COL12A1: variants seen among roughly 807,000 people sequenced by gnomAD.
COL12A1 encodes collagen alpha-1(XII) chain.
Under a neutral mutation model 349.7 loss-of-function variants are expected in COL12A1, and 114 were observed. The observed-to-expected ratio is 0.33, with a 90% CI of 0.28 to 0.38. The LOEUF (loss-of-function observed/expected upper bound fraction) is 0.38, where lower values mean the gene tolerates loss of function less well. Ranked by LOEUF, COL12A1 falls within the 10% of genes least tolerant of loss-of-function variation. COL12A1 has a pLI of 1.00. For missense variants in COL12A1, 3,284 were observed against 3,756.9 expected (o/e 0.87, Z 3.29); for synonymous variants, 1,369 against 1,329.0 (o/e 1.03, Z -0.66).
chr6:75,197,170 A>G lies in COL12A1; in HGVS notation c.74-2223T>C, dbSNP rs548835590. Among the ~76,000 whole-genome samples the G allele has an allele frequency of 5.3e-5, 8 of 152,330 alleles. No individual in the cohort carries two copies. In the East Asian group the frequency reaches 1.5e-3, roughly 29 times the overall value. ...ATGTAAGTGTATGACCCGTGTCAAC[A>G]TAAATCAGTGCTGAAAAATGTACTT... On this transcript the variant is annotated intron_variant, in intron 2 of 65. Transcript: ENST00000322507.
intron 16 of COL12A1, among the ~76,000 whole-genome samples, chr6:75,155,398 T>C (rs1231341147): frequency 2.0e-5 from 3 of 152,168 alleles, no homozygotes; most frequent in Admixed American, 1.3e-4. Flanking sequence ...AAAACACCAA[T>C]TCTGATCCCT....
rs372499120 is a variant in COL12A1 at position 75,165,691 on chromosome 6, G to A, written c.2799C>T (p.Arg933=). The change falls in exon 14 of 66, where the codon CGC becomes CGT. Residue 933 remains arginine (R), a synonymous_variant. Transcript: ENST00000322507. Reference sequence around the variant, plus strand: ...GTGATTTCCATGAGACCCTGTAACCGCGAACCATTCCTGGAGCAGATGTCC... The same window carrying A: ...GTGATTTCCATGAGACCCTGTAACCACGAACCATTCCTGGAGCAGATGTCC... ...AYWTSAPGMV[R]GYRVSWKSLY... 59 of 1,613,934 alleles carry A rather than the reference G, an allele frequency of 3.7e-5. No individual in the cohort carries two copies. The highest frequency in any genetic ancestry group is 6.7e-5 in the Admixed American group (4 of 59,966).
At chr6:75,196,680 T>C (rs1770243171) in intron 2 of COL12A1, among the ~76,000 whole-genome samples, 1 of 152,176 alleles carries the variant, frequency 6.6e-6, no homozygotes, top group Non-Finnish European at 1.5e-5. Context: ...GGACAACGGG[T>C]ATTAAGAATA....
intron 34 of COL12A1, among the ~76,000 whole-genome samples, 173 bp from the exon 35 acceptor site, chr6:75,132,255 A>T (rs187164324): frequency 6.6e-6 from 1 of 152,302 alleles, no homozygotes; most frequent in Non-Finnish European, 1.5e-5. Flanking sequence ...AATTTAGTTA[A>T]AGTTAGCAAG....
intron 11 of COL12A1, 50 bp from the exon 12 acceptor site, chr6:75,177,985 T>C: frequency 1.3e-6 from 2 of 1,514,254 alleles, no homozygotes; most frequent in East Asian, 2.3e-5. Context: ...TGACTGACTT[T>C]ATATGAAAAA....
chr6:75,159,439 A>T (rs1171603453), intron 14 of COL12A1, among the ~76,000 whole-genome samples: 2 of 147,436 alleles, frequency 1.4e-5, no homozygotes, highest in Admixed American at 6.8e-5. Flanking sequence ...ATTATTATAT[A>T]AAAATATATA....
intron 2 of COL12A1, among the ~76,000 whole-genome samples, chr6:75,198,539 T>A (rs1038301080): frequency 6.6e-6 from 1 of 151,890 alleles, no homozygotes; most frequent in African/African-American, 2.4e-5. Flanking sequence ...GGTATTCAGG[T>A]ATCTCCAATT....
At chr6:75,197,574 A>G (rs1770298603) in intron 2 of COL12A1, among the ~76,000 whole-genome samples, 2 of 152,066 alleles carry the variant, frequency 1.3e-5, no homozygotes, top group South Asian at 4.1e-4. Context: ...AGCCTCCCAC[A>G]GTGCTGGGAT....
At chr6:75,185,892 G>T (rs1769587979) in intron 8 of COL12A1, among the ~76,000 whole-genome samples, 1 of 152,128 alleles carries the variant, frequency 6.6e-6, no homozygotes, top group Non-Finnish European at 1.5e-5. Context: ...AATAAATGGT[G>T]CTCAGATAAC....
intron 14 of COL12A1, among the ~76,000 whole-genome samples, chr6:75,160,968 G>GA (rs756649048): frequency 3.9e-5 from 6 of 152,116 alleles, no homozygotes; most frequent in Non-Finnish European, 8.8e-5. Context: ...AAAGATAAAT[G>GA]AAAACCAGTA....
At chr6:75,178,833 C>A (rs34024604) in intron 11 of COL12A1, among the ~76,000 whole-genome samples, 2,831 of 152,212 alleles carry the variant, frequency 0.019, 65 homozygotes, top group East Asian at 0.13. Context: ...GGAAGTATAT[C>A]TCTCTAGAAG....
chr6:75,156,692 T>A (rs1260849362), intron 14 of COL12A1, among the ~76,000 whole-genome samples, 169 bp from the exon 15 acceptor site: 1 of 152,224 alleles, frequency 6.6e-6, no homozygotes, highest in East Asian at 1.9e-4. Flanking sequence ...GAGCCTAATC[T>A]CATCAAGATC....
intron 27 of COL12A1, among the ~76,000 whole-genome samples, chr6:75,139,185 T>TA (rs1766771685): frequency 6.6e-6 from 1 of 152,232 alleles, no homozygotes; most frequent in Admixed American, 6.5e-5. Context: ...ATTATTTTTT[T>TA]AAGATACCAT....
At position 75,155,896 on chromosome 6, in the gene COL12A1, T is replaced by A. The variant is rs770271823; in HGVS notation, c.3251-42A>T. 20 of 1,546,718 alleles carry A rather than the reference T, an allele frequency of 1.3e-5. No homozygotes were observed. The South Asian group carries it at 2.4e-4, about 18-fold the overall frequency. On this transcript the variant is annotated intron_variant, in intron 15 of 65. Coordinates refer to ENST00000322507, the MANE Select transcript of COL12A1 (RefSeq NM_004370.6). ...ATTTTTAAAATATTATCTGTAAGACTAGGCTTTGGGGTTTCTTTTTTATTA... is the reference window on the plus strand; with the variant it reads ...ATTTTTAAAATATTATCTGTAAGACAAGGCTTTGGGGTTTCTTTTTTATTA...
Position 75,119,192 on chromosome 6 carries a change from G to A in COL12A1, c.7211-6C>T. The A allele has an allele frequency of 6.2e-7, 1 of 1,613,842 alleles. No homozygotes were observed. ...GATAAACGTGAGGGCCTTGCCTACAGAATGTGGCATGGAAAATTTTAGTGT... is the reference window on the plus strand; with the variant it reads ...GATAAACGTGAGGGCCTTGCCTACAAAATGTGGCATGGAAAATTTTAGTGT... On this transcript the variant is annotated splice_region_variant and splice_polypyrimidine_tract_variant and intron_variant, in intron 45 of 65. Coordinates refer to ENST00000322507, the MANE Select transcript of COL12A1 (RefSeq NM_004370.6).
intron 15 of COL12A1, 108 bp downstream of exon 15, chr6:75,156,149 C>A (rs1210920115): frequency 2.3e-5 from 31 of 1,330,146 alleles, no homozygotes; most frequent in Non-Finnish European, 3.1e-5. Context: ...TATAATTTAA[C>A]TTATTACGGA....
intron 60 of COL12A1, among the ~76,000 whole-genome samples, chr6:75,092,193 T>TG (rs1010439301): frequency 6.6e-6 from 1 of 151,814 alleles, no homozygotes; most frequent in African/African-American, 2.4e-5. Context: ...ACAGGCCTGT[T>TG]GGGGGGTCAG....
At chr6:75,166,961 A>T (rs887676732) in intron 13 of COL12A1, among the ~76,000 whole-genome samples, 36 of 152,158 alleles carry the variant, frequency 2.4e-4, no homozygotes, top group Admixed American at 8.5e-4. Context: ...CAAATGGAAA[A>T]TTCTAACTCC....
intron 49 of COL12A1, 125 bp downstream of exon 49, chr6:75,115,659 A>G (rs1769039310): frequency 1.6e-6 from 2 of 1,234,496 alleles, no homozygotes; most frequent in Non-Finnish European, 2.3e-6. Flanking sequence ...AAGAAAACCA[A>G]TCAGGGTCAT....
Sources: allele counts gnomAD v4.1 joint callset (sites outside exome capture counted in the v4.1 genomes callset), GRCh38; gene constraint gnomAD v4.1.1; transcripts MANE v1.5; gene names NCBI Gene and HGNC (gene_info 2026-07-23, HGNC 2026-07-21).